Variants in TRAPPC9 observed in about 807,000 individuals in gnomAD.
TRAPPC9 encodes the protein IKK2 binding protein.
Under a neutral mutation model 124.0 loss-of-function variants are expected in TRAPPC9, and 83 were observed. That is an observed-to-expected ratio of 0.67 (90% CI 0.56 to 0.80). The LOEUF is 0.80. TRAPPC9 is among the 30% of genes least tolerant of loss of function. The pLI is 0.00. For missense variants in TRAPPC9, 1,302 were observed against 1,508.3 expected (o/e 0.86, Z 2.27); for synonymous variants, 638 against 617.5 (o/e 1.03, Z -0.49).
At chr8:140,070,916 C>A (rs556377243) in intron 17 of TRAPPC9, among the ~76,000 whole-genome samples, 56 of 152,316 alleles carry the variant, frequency 3.7e-4, no homozygotes, top group African/African-American at 1.3e-3. Flanking sequence ...ACGTCTCTTA[C>A]CTACAGCTCA....
intron 18 of TRAPPC9, among the ~76,000 whole-genome samples, chr8:140,004,821 G>T (rs906555880): frequency 2.6e-5 from 4 of 152,126 alleles, no homozygotes; most frequent in Non-Finnish European, 1.5e-5. Flanking sequence ...GCCTCCCAGG[G>T]TCTAGACACC....
intron 2 of TRAPPC9, among the ~76,000 whole-genome samples, chr8:140,442,080 C>T (rs2071037128): frequency 1.3e-5 from 2 of 152,194 alleles, no homozygotes; most frequent in South Asian, 4.1e-4. Flanking sequence ...ATGAACTTCA[C>T]AAAAGTGTAC....
intron 5 of TRAPPC9, among the ~76,000 whole-genome samples, chr8:140,418,723 AAGATAGAT>A (rs530951569): frequency 0.029 from 4,033 of 141,300 alleles, 59 homozygotes; most frequent in Non-Finnish European, 0.036. Flanking sequence ...CCATCTCAAA[AAGATAGAT>A]AGATAGATAG....
chr8:139,995,595 G>A (rs570963840), intron 18 of TRAPPC9, among the ~76,000 whole-genome samples: 1 of 152,196 alleles, frequency 6.6e-6, no homozygotes, highest in African/African-American at 2.4e-5. Context: ...CTTTGTAGCA[G>A]GCACATAGGG....
At chr8:140,184,087 C>G (rs900302962) in intron 17 of TRAPPC9, among the ~76,000 whole-genome samples, 3 of 151,908 alleles carry the variant, frequency 2.0e-5, no homozygotes, top group Non-Finnish European at 4.4e-5. Flanking sequence ...TGTCAGCAGT[C>G]GTGGGCTGAG....
chr8:140,145,660 A>G lies in TRAPPC9; in HGVS notation c.2556+75799T>C, dbSNP rs1420987129. 3.3e-5 allele frequency among the ~76,000 whole-genome samples: 5 copies of G among 152,204 alleles called. No homozygotes were observed. The East Asian group carries it at 7.8e-4, about 24-fold the overall frequency. Reference sequence around the variant, plus strand: ...TGACATAGTTTATTTTATCTCGGGCAGATTTCGATTTGCTAATATTTCACT... The same window carrying G: ...TGACATAGTTTATTTTATCTCGGGCGGATTTCGATTTGCTAATATTTCACT... On this transcript the variant is annotated intron_variant, in intron 17 of 22. Transcript: ENST00000438773.
At chr8:139,779,580 T>C (rs1821639284) in intron 21 of TRAPPC9, among the ~76,000 whole-genome samples, 1 of 152,208 alleles carries the variant, frequency 6.6e-6, no homozygotes, top group Admixed American at 6.5e-5. Context: ...GGATTGCAAC[T>C]ACATTATAAT....
At chr8:140,044,254 GCAACAGAA>G (rs1444788851) in intron 17 of TRAPPC9, among the ~76,000 whole-genome samples, 3 of 139,362 alleles carry the variant, frequency 2.2e-5, no homozygotes, top group Non-Finnish European at 4.5e-5. Flanking sequence ...TGGTCCAGAA[GCAACAGAA>G]CAACAACGAC....
intron 19 of TRAPPC9, among the ~76,000 whole-genome samples, chr8:139,986,902 G>A (rs183103852): frequency 1.6e-4 from 25 of 152,324 alleles, no homozygotes; most frequent in Admixed American, 1.6e-3. Flanking sequence ...AATGTTCTGA[G>A]TTTTTCCATC....
chr8:140,156,508 T>G (rs1265347433), intron 17 of TRAPPC9, among the ~76,000 whole-genome samples: 1 of 152,254 alleles, frequency 6.6e-6, no homozygotes. Context: ...TTTATTTTCC[T>G]TCTTCTATCA....
chr8:140,228,836 C>T (rs2063514128), intron 16 of TRAPPC9, among the ~76,000 whole-genome samples: 1 of 152,098 alleles, frequency 6.6e-6, no homozygotes, highest in South Asian at 2.1e-4. Flanking sequence ...AAGGGTAGTA[C>T]AACTGTGTTA....
intron 19 of TRAPPC9, among the ~76,000 whole-genome samples, chr8:139,985,294 T>C (rs1003731802): frequency 1.3e-5 from 2 of 152,142 alleles, no homozygotes; most frequent in African/African-American, 4.8e-5. Context: ...CTTTAAAGTG[T>C]TTTATACTAG....
chr8:140,447,292 CAT>C (rs1388478095), intron 2 of TRAPPC9, among the ~76,000 whole-genome samples: 4 of 152,052 alleles, frequency 2.6e-5, no homozygotes, highest in Non-Finnish European at 4.4e-5. Context: ...AATTAAAAAA[CAT>C]ATTTTAAAAA....
intron 20 of TRAPPC9, among the ~76,000 whole-genome samples, chr8:139,897,511 A>G (rs958043428): frequency 6.6e-6 from 1 of 152,220 alleles, no homozygotes; most frequent in Non-Finnish European, 1.5e-5. Flanking sequence ...AGAGGAAGGG[A>G]CAGTACCCCA....
At chr8:140,223,001 C>T (rs2063371733) in intron 16 of TRAPPC9, among the ~76,000 whole-genome samples, 2 of 152,112 alleles carry the variant, frequency 1.3e-5, no homozygotes, top group South Asian at 2.1e-4. Flanking sequence ...TCTAAACTTG[C>T]CCTCGTTTTA....
chr8:140,319,295 C>T (rs1448097321), intron 9 of TRAPPC9, among the ~76,000 whole-genome samples: 6 of 149,752 alleles, frequency 4.0e-5, no homozygotes, highest in African/African-American at 1.2e-4. Flanking sequence ...CCTGCCTCAG[C>T]CTCCCGAGTA....
chr8:139,771,533 T>A (rs557342399), intron 21 of TRAPPC9, among the ~76,000 whole-genome samples: 48 of 152,000 alleles, frequency 3.2e-4, no homozygotes, highest in African/African-American at 1.1e-3. Context: ...GGTTTTGAAA[T>A]AAAAAACATG....
chr8:139,995,422 G>A (rs969144568), intron 18 of TRAPPC9, among the ~76,000 whole-genome samples: 16 of 152,182 alleles, frequency 1.1e-4, no homozygotes, highest in South Asian at 2.1e-4. Flanking sequence ...CAGTATTGGC[G>A]GGACAGGCTC....
At chr8:139,986,059 A>G (rs574902000) in intron 19 of TRAPPC9, among the ~76,000 whole-genome samples, 1 of 152,286 alleles carries the variant, frequency 6.6e-6, no homozygotes, top group African/African-American at 2.4e-5. Flanking sequence ...CCTGACCAAC[A>G]TGGTGAAATC....
Sources: allele counts gnomAD v4.1 joint callset (sites outside exome capture counted in the v4.1 genomes callset), GRCh38; gene constraint gnomAD v4.1.1; transcripts MANE v1.5; gene names NCBI Gene and HGNC (gene_info 2026-07-23, HGNC 2026-07-21).